Variants in STX8 observed in about 807,000 individuals in gnomAD.
STX8 encodes syntaxin-8.
STX8 carries 23 observed loss-of-function variants against 37.5 expected under a neutral mutation model. The ratio of observed to expected loss-of-function variants is 0.61; its 90% CI spans 0.44 to 0.87. The LOEUF (loss-of-function observed/expected upper bound fraction) is 0.87, where lower values mean the gene tolerates loss of function less well. STX8 is among the 40% of genes least tolerant of loss of function. The pLI, the probability that STX8 is intolerant of heterozygous loss-of-function variation, is 0.00. For synonymous variants in STX8, 115 were observed against 99.1 expected (o/e 1.16, Z -0.95); for missense variants, 313 against 284.7 (o/e 1.10, Z -0.71).
At position 9,345,848 on chromosome 17, in the gene STX8, C is replaced by CTTTTTTTTTTTTTTTTTTTT. The variant is rs545020159; in HGVS notation, c.643+32684_643+32703dup. Among the ~76,000 whole-genome samples the CTTTTTTTTTTTTTTTTTTTT allele has an allele frequency of 1.5e-3, 78 of 52,080 alleles. 25 individuals carry two copies. Among genetic ancestry groups the CTTTTTTTTTTTTTTTTTTTT allele is most frequent in the Non-Finnish European group, 2.1e-3 (60 of 29,122 alleles). The allele number at this position is 52,080 out of a possible 152,430, so 34.2% of individuals were successfully genotyped here. A position where few individuals can be genotyped will look rare whatever the true frequency, so the allele number is the denominator to read the frequency against. On this transcript the variant is annotated intron_variant, in intron 7 of 7. Transcript: ENST00000306357. ...CATTATACCTCCGGGTTATGCATTC[C>CTTTTTTTTTTTTTTTTTTTT]TTTTTTTTTTTTTTTTTTTTGAGAT...
chr17:9,476,013 T>C lies in STX8; in HGVS notation c.541+15816A>G, dbSNP rs566342840. 2.6e-3 allele frequency among the ~76,000 whole-genome samples: 390 copies of C among 152,280 alleles called. 1 individual carries two copies. Among genetic ancestry groups the C allele is most frequent in the African/African-American group, 9.0e-3 (373 of 41,564 alleles). ...GACCAACATGGTGAAACCCCATCTC[T>C]ACTAAAAATACAAAAATCAGCTGGG... On this transcript the variant is annotated intron_variant, in intron 6 of 7. Transcript: ENST00000306357.
At chr17:9,547,634 AAAAAAG>A (rs1356543512) in intron 3 of STX8, among the ~76,000 whole-genome samples, 23 of 140,724 alleles carry the variant, frequency 1.6e-4, no homozygotes, top group Admixed American at 6.1e-4. Flanking sequence ...TCTCAAAAAA[AAAAAAG>A]AAAAAAGAAA....
At chr17:9,326,322 G>A (rs184015006) in intron 7 of STX8, among the ~76,000 whole-genome samples, 8 of 152,032 alleles carry the variant, frequency 5.3e-5, no homozygotes, top group Middle Eastern at 3.4e-3. Flanking sequence ...GGGTTTCACC[G>A]TGTTGCCCAG....
intron 2 of STX8, among the ~76,000 whole-genome samples, chr17:9,564,664 T>C (rs938118076): frequency 6.6e-6 from 1 of 152,132 alleles, no homozygotes; most frequent in South Asian, 2.1e-4. Flanking sequence ...TAAAGATCTC[T>C]ACAAGAAGAA....
intron 7 of STX8, among the ~76,000 whole-genome samples, chr17:9,324,056 T>C (rs1022975640): frequency 1.3e-5 from 2 of 151,444 alleles, no homozygotes; most frequent in Non-Finnish European, 2.9e-5. Flanking sequence ...GGAATTTCAG[T>C]AAAAGACTTG....
intron 6 of STX8, among the ~76,000 whole-genome samples, chr17:9,454,889 T>C (rs1382003191): frequency 3.3e-5 from 5 of 151,850 alleles, no homozygotes; most frequent in African/African-American, 1.2e-4. Flanking sequence ...CACTCAGGAA[T>C]ATATTCAGGT....
chr17:9,553,628 T>C (rs151329585), intron 3 of STX8: 2 of 152,326 alleles, frequency 1.3e-5, no homozygotes, highest in African/African-American at 4.8e-5. Context: ...CCATTGGTGA[T>C]TTATGAACAA....
At chr17:9,276,796 C>T (rs1408175321) in intron 7 of STX8, among the ~76,000 whole-genome samples, 20 of 150,016 alleles carry the variant, frequency 1.3e-4, no homozygotes, top group South Asian at 8.4e-4. Flanking sequence ...CCACCACGCT[C>T]GGCTAATTTT....
At chr17:9,347,078 G>T (rs1910559541) in intron 7 of STX8, among the ~76,000 whole-genome samples, 1 of 150,462 alleles carries the variant, frequency 6.6e-6, no homozygotes, top group Admixed American at 6.7e-5. Flanking sequence ...AGTGAGCTGA[G>T]ATCACACCAT....
At chr17:9,368,099 G>A (rs190649298) in intron 7 of STX8, among the ~76,000 whole-genome samples, 127 of 152,246 alleles carry the variant, frequency 8.3e-4, no homozygotes, top group Non-Finnish European at 1.5e-3. Context: ...AAAGATGACT[G>A]GGAGTAATAA....
intron 7 of STX8, among the ~76,000 whole-genome samples, chr17:9,317,494 G>A (rs769749844): frequency 3.9e-5 from 6 of 152,184 alleles, no homozygotes; most frequent in Admixed American, 6.5e-5. Context: ...GGCCGGGCGC[G>A]GTGGCTCACG....
intron 6 of STX8, among the ~76,000 whole-genome samples, chr17:9,422,996 T>A (rs1913498305): frequency 6.6e-6 from 1 of 152,168 alleles, no homozygotes; most frequent in African/African-American, 2.4e-5. Flanking sequence ...CTGTACGTGG[T>A]GATAAAGAAG....
At chr17:9,313,852 G>A (rs932335510) in intron 7 of STX8, among the ~76,000 whole-genome samples, 5 of 152,214 alleles carry the variant, frequency 3.3e-5, no homozygotes, top group South Asian at 2.1e-4. Context: ...GGATGGTCTC[G>A]ATCTCCTGAC....
chr17:9,267,625 C>T (rs1907276419), intron 7 of STX8, among the ~76,000 whole-genome samples: 1 of 152,220 alleles, frequency 6.6e-6, no homozygotes, highest in Non-Finnish European at 1.5e-5. Context: ...CAGACTCTAT[C>T]ATGAAAACAG....
At chr17:9,440,208 G>A (rs139719382) in intron 6 of STX8, among the ~76,000 whole-genome samples, 40 of 152,180 alleles carry the variant, frequency 2.6e-4, no homozygotes, top group Admixed American at 7.9e-4. Context: ...ACATGGAATC[G>A]GATGATTTGA....
At chr17:9,409,535 C>A (rs72816179) in intron 6 of STX8, among the ~76,000 whole-genome samples, 2,457 of 152,224 alleles carry the variant, frequency 0.016, 29 homozygotes, top group Non-Finnish European at 0.022. Context: ...TGAATAATTT[C>A]TCAGGGGAAT....
At chr17:9,378,438 C>G in intron 7 of STX8, 114 bp downstream of exon 7, 1 of 863,512 alleles carries the variant, frequency 1.2e-6, no homozygotes, top group Non-Finnish European at 1.9e-6. Context: ...AATGGAACTG[C>G]CTGTATCAGA....
intron 2 of STX8, among the ~76,000 whole-genome samples, chr17:9,563,908 T>C (rs1420774158): frequency 6.6e-6 from 1 of 152,218 alleles, no homozygotes; most frequent in East Asian, 1.9e-4. Flanking sequence ...CAAGTAGGCT[T>C]TATCCCTGGG....
At chr17:9,388,813 A>G (rs1912107305) in intron 6 of STX8, among the ~76,000 whole-genome samples, 3 of 64,370 alleles carry the variant, frequency 4.7e-5, no homozygotes, top group South Asian at 4.4e-4. Context: ...CAAAAAAAAG[A>G]AAAAAAAAAA....
Sources: gnomAD v4.1 joint callset for allele counts (sites outside exome capture counted in the v4.1 genomes callset) on GRCh38, gnomAD v4.1.1 for gene constraint, MANE v1.5 for transcripts, NCBI Gene and HGNC (gene_info 2026-07-23, HGNC 2026-07-21) for gene names.